The following LMBRD2 variants were observed in gnomAD, a reference collection of about 807,000 sequenced individuals.
The protein encoded by LMBRD2 is LMBR1 domain containing 2.
A neutral mutation model predicts 94.4 loss-of-function variants in LMBRD2; 55 were observed. The ratio of observed to expected loss-of-function variants is 0.58; its 90% CI spans 0.47 to 0.73. The LOEUF (loss-of-function observed/expected upper bound fraction) is 0.73, where lower values mean the gene tolerates loss of function less well. LMBRD2 is among the 30% of genes least tolerant of loss of function. The pLI is 0.00. For synonymous variants in LMBRD2, 246 were observed against 272.4 expected (o/e 0.90, Z 0.95); for missense variants, 640 against 831.9 (o/e 0.77, Z 2.84).
rs1743921883 is a variant in LMBRD2, at chr5:36,122,914, A to G, written c.870T>C (p.Tyr290=). The G allele has an allele frequency of 7.6e-6, 12 of 1,584,456 alleles. No individual in the cohort carries two copies. The highest frequency in any genetic ancestry group is 1.0e-5 in the Non-Finnish European group (12 of 1,170,418). The change falls in exon 8 of 18, where the codon TAT becomes TAC. Residue 290 remains tyrosine, a synonymous_variant. Coordinates refer to ENST00000296603, the MANE Select transcript of LMBRD2 (RefSeq NM_001007527.2). ...TACTATGCTTTTCATCAAAATCTTC[A>G]TAATCATCCATGTTCCTACCCATTT... ...QEKMGRNMDD[Y]EDFDEKHSIY...
At chr5:36,104,471 G>T (rs778127785) in intron 17 of LMBRD2, among the ~76,000 whole-genome samples, 2 of 151,822 alleles carry the variant, frequency 1.3e-5, no homozygotes, top group East Asian at 3.9e-4. Context: ...AAACATTTTC[G>T]TGCACATGAT....
At chr5:36,130,711 A>G (rs1744131531) in intron 6 of LMBRD2, among the ~76,000 whole-genome samples, 1 of 152,176 alleles carries the variant, frequency 6.6e-6, no homozygotes, top group Admixed American at 6.5e-5. Context: ...CTAATGAGCA[A>G]CTATATGCCA....
intron 6 of LMBRD2, among the ~76,000 whole-genome samples, chr5:36,132,449 G>C (rs1744176540): frequency 6.6e-6 from 1 of 151,774 alleles, no homozygotes; most frequent in African/African-American, 2.4e-5. Context: ...CTAAGCAAAA[G>C]TGAACAAATG....
intron 1 of LMBRD2, among the ~76,000 whole-genome samples, chr5:36,149,382 T>A (rs1037612770): frequency 6.6e-6 from 1 of 152,202 alleles, no homozygotes; most frequent in Non-Finnish European, 1.5e-5. Context: ...AAGTCCAATA[T>A]AGTACAGACT....
chr5:36,122,891 C>A lies in LMBRD2; in HGVS notation c.893G>T (p.Ser298Ile). The A allele has an allele frequency of 1.3e-6, 2 of 1,589,294 alleles. No homozygotes were observed. Among genetic ancestry groups the A allele is most frequent in the Non-Finnish European group, 8.5e-7 (1 of 1,172,128 alleles). ...CAGACTTTTTTCACTTGGATAGATA[C>A]TATGCTTTTCATCAAAATCTTCATA... ...DDYEDFDEKH[S>I]IYPSEKSLVK... The change falls in exon 8 of 18, where the codon AGT (serine) becomes ATT (isoleucine). Residue 298 changes from serine (S) to isoleucine (I), a missense_variant. Coordinates refer to ENST00000296603, the MANE Select transcript of LMBRD2 (RefSeq NM_001007527.2).
Position 36,105,167 on chromosome 5 carries a change from C to T in LMBRD2, c.1928G>A (p.Arg643Lys). Residue 643 changes from arginine (R) to lysine (K), a missense_variant, in exon 17 of 18, where the codon AGG becomes AAG. Coordinates refer to ENST00000296603, the MANE Select transcript of LMBRD2 (RefSeq NM_001007527.2). Reference protein sequence around the residue: ...SAFKYTRANNRTERDRIELLQ... With the variant: ...SAFKYTRANNKTERDRIELLQ... ...AAGTTCTATCCGGTCCCTTTCAGTC[C>T]TGTTATTAGCCCTGGTATATTTGAA... 2 of 1,612,506 alleles carry T rather than the reference C, an allele frequency of 1.2e-6. No homozygotes were observed. Among genetic ancestry groups the T allele is most frequent in the Non-Finnish European group, 1.7e-6 (2 of 1,178,974 alleles).
At chr5:36,114,265 G>A (rs928271532) in intron 13 of LMBRD2, among the ~76,000 whole-genome samples, 159 bp downstream of exon 13, 2 of 151,870 alleles carry the variant, frequency 1.3e-5, no homozygotes, top group Non-Finnish European at 2.9e-5. Context: ...AGGGAGACTC[G>A]CACCTGATCA....
intron 10 of LMBRD2, 94 bp from the exon 11 acceptor site, chr5:36,116,687 GT>G (rs966184471): frequency 1.5e-6 from 2 of 1,313,034 alleles, no homozygotes; most frequent in African/African-American, 3.0e-5. Context: ...TTTTTCTTTT[GT>G]TTTTTTGAGA....
intron 13 of LMBRD2, among the ~76,000 whole-genome samples, chr5:36,111,723 T>C (rs1353210434): frequency 6.6e-6 from 1 of 152,066 alleles, no homozygotes. Flanking sequence ...ACAAGAATAC[T>C]GAAAATATGG....
chr5:36,106,509 G>GTTTTTTTTTTTTTTTTTTTTTTTTT (rs70973085), intron 16 of LMBRD2, among the ~76,000 whole-genome samples: 1 of 119,410 alleles, frequency 8.4e-6, no homozygotes, highest in Non-Finnish European at 1.7e-5. Flanking sequence ...TTTTTCTTTC[G>GTTTTTTTTTTTTTTTTTTTTTTTTT]TTTTTTTTTT....
At chr5:36,117,311 CTACAAAAAA>C (rs1303515091) in intron 10 of LMBRD2, among the ~76,000 whole-genome samples, 1 of 152,054 alleles carries the variant, frequency 6.6e-6, no homozygotes, top group Non-Finnish European at 1.5e-5. Flanking sequence ...AATCCTGACT[CTACAAAAAA>C]TACAAAAATT....
chr5:36,106,061 C>T (rs187549226), intron 16 of LMBRD2, among the ~76,000 whole-genome samples: 2,668 of 151,902 alleles, frequency 0.018, 42 homozygotes, highest in Non-Finnish European at 0.027. Context: ...TTCAGCAAAT[C>T]GCAATTGCCC....
At chr5:36,136,853 T>C (rs970168975) in intron 5 of LMBRD2, among the ~76,000 whole-genome samples, 1 of 152,154 alleles carries the variant, frequency 6.6e-6, no homozygotes, top group African/African-American at 2.4e-5. Flanking sequence ...TTACAAATCA[T>C]AAGTATAAAA....
intron 6 of LMBRD2, among the ~76,000 whole-genome samples, chr5:36,128,982 C>G (rs1393864281): frequency 6.6e-6 from 1 of 152,114 alleles, no homozygotes; most frequent in Non-Finnish European, 1.5e-5. Flanking sequence ...AGTATCTTAA[C>G]AGCAGAAATG....
intron 1 of LMBRD2, among the ~76,000 whole-genome samples, chr5:36,148,172 A>C (rs1039063232): frequency 2.0e-5 from 3 of 152,140 alleles, no homozygotes; most frequent in African/African-American, 4.8e-5. Flanking sequence ...CACATATTTA[A>C]AGATTTCAGG....
At chr5:36,127,499 G>C (rs193231477) in intron 6 of LMBRD2, among the ~76,000 whole-genome samples, 19 of 152,342 alleles carry the variant, frequency 1.2e-4, no homozygotes, top group Admixed American at 7.8e-4. Flanking sequence ...CTCTTAGACA[G>C]CATTGTTGAA....
chr5:36,099,173 T>C lies in LMBRD2; in HGVS notation c.*4873A>G, dbSNP rs562579259. The C allele has an allele frequency of 6.6e-6, 1 of 152,202 alleles. No homozygotes were observed. The highest frequency in any genetic ancestry group is 2.1e-4 in the South Asian group (1 of 4,828). 9.4% of individuals were successfully genotyped at this position (152,202 alleles called of 1,614,324 possible). A position where few individuals can be genotyped will look rare whatever the true frequency, so the allele number is the denominator to read the frequency against. On this transcript the variant is annotated 3_prime_UTR_variant, in exon 18 of 18. Transcript: ENST00000296603. Reference sequence around the variant, plus strand: ...ACTACTGAACTTTAGAATACTGTCCTAAGGAAATAGGTCTGGGCAGAACTT... The same window carrying C: ...ACTACTGAACTTTAGAATACTGTCCCAAGGAAATAGGTCTGGGCAGAACTT...
Position 36,103,841 on chromosome 5 carries a change from T to C in LMBRD2, c.*205A>G, listed in dbSNP as rs1353417041. 7.8e-6 allele frequency: 3 copies of C among 383,122 alleles called. No homozygotes were observed. The highest frequency in any genetic ancestry group is 6.2e-5 in the African/African-American group (3 of 48,340). 23.7% of individuals were successfully genotyped at this position (383,122 alleles called of 1,614,324 possible). ...TAAGGCAGATGCTTAGGAAATGATA[T>C]GTAATAAATCTTGTTGAAAAAGGTG... On this transcript the variant is annotated 3_prime_UTR_variant, in exon 18 of 18. Coordinates refer to ENST00000296603, the MANE Select transcript of LMBRD2 (RefSeq NM_001007527.2).
intron 13 of LMBRD2, among the ~76,000 whole-genome samples, chr5:36,114,108 T>C (rs962460335): frequency 5.3e-5 from 8 of 152,186 alleles, no homozygotes; most frequent in African/African-American, 1.9e-4. Flanking sequence ...CAGGCTACGA[T>C]AGCTGTCAGT....
Sources: allele counts gnomAD v4.1 joint callset (sites outside exome capture counted in the v4.1 genomes callset), GRCh38; gene constraint gnomAD v4.1.1; transcripts MANE v1.5; gene names NCBI Gene and HGNC (gene_info 2026-07-23, HGNC 2026-07-21).